Variants in TINAG observed in about 807,000 individuals in gnomAD.
TINAG encodes the protein tubulointerstitial nephritis antigen.
A neutral mutation model predicts 72.7 loss-of-function variants in TINAG; 83 were observed. The ratio of observed to expected loss-of-function variants is 1.14; its 90% CI spans 0.96 to 1.37. TINAG has a LOEUF of 1.37. Ranked by LOEUF, TINAG falls within the 40% of genes most tolerant of loss-of-function variation. The pLI, the probability that TINAG is intolerant of heterozygous loss-of-function variation, is 0.00. For missense variants in TINAG, 685 were observed against 576.6 expected (o/e 1.19, Z -1.93); for synonymous variants, 234 against 189.9 (o/e 1.23, Z -1.91).
intron 6 of TINAG, among the ~76,000 whole-genome samples, chr6:54,347,966 A>G (rs1026352790): frequency 2.0e-5 from 3 of 152,072 alleles, no homozygotes; most frequent in Non-Finnish European, 4.4e-5. Flanking sequence ...ACTCATCAGT[A>G]TTGTTCATTA....
intron 1 of TINAG, among the ~76,000 whole-genome samples, chr6:54,318,873 G>A (rs1784429720): frequency 6.6e-6 from 1 of 152,070 alleles, no homozygotes; most frequent in Admixed American, 6.6e-5. Flanking sequence ...TTGCTCAAGA[G>A]ATTAATTCTC....
chr6:54,347,240 T>C, intron 5 of TINAG, 127 bp from the exon 6 acceptor site: 1 of 860,730 alleles, frequency 1.2e-6, no homozygotes, highest in East Asian at 2.8e-5. Context: ...ATTAATGCTC[T>C]TTGGCTTTAA....
intron 5 of TINAG, 114 bp from the exon 6 acceptor site, chr6:54,347,253 A>G: frequency 1.0e-6 from 1 of 976,108 alleles, no homozygotes; most frequent in African/African-American, 1.7e-5. Context: ...GGCTTTAATT[A>G]TAAATTATAC....
At chr6:54,343,160 C>A (rs545731857) in intron 4 of TINAG, 66 bp from the exon 5 acceptor site, 22 of 1,328,034 alleles carry the variant, frequency 1.7e-5, no homozygotes, top group Admixed American at 2.7e-5. Flanking sequence ...TATAAAAGGG[C>A]GTGACATTTT....
intron 4 of TINAG, among the ~76,000 whole-genome samples, chr6:54,331,146 C>A (rs958348237): frequency 5.3e-5 from 8 of 152,104 alleles, no homozygotes; most frequent in African/African-American, 1.7e-4. Flanking sequence ...CTGGCAGAGA[C>A]ACGACAAAAA....
rs544234718 is a variant in TINAG at position 54,326,296 on chromosome 6, GATTA to G, written c.510-501_510-498del. Among the ~76,000 whole-genome samples the G allele has an allele frequency of 7.3e-4, 111 of 151,666 alleles. 1 individual carries two copies. Among genetic ancestry groups the G allele is most frequent in the South Asian group, 5.6e-3 (27 of 4,790 alleles). On this transcript the variant is annotated intron_variant, in intron 3 of 10. Transcript: ENST00000259782. The stretch of plus-strand genomic sequence containing the variant: ...TATATAATAGAATATTTCAATATCT[GATTA>G]ATTAGATTTTTAATTAATTTTTAAA...
intron 1 of TINAG, among the ~76,000 whole-genome samples, chr6:54,313,169 AT>A (rs1408557381): frequency 6.6e-6 from 1 of 152,280 alleles, no homozygotes; most frequent in Admixed American, 6.5e-5. Flanking sequence ...TTAAACATGT[AT>A]TTTTTTGAAC....
intron 4 of TINAG, among the ~76,000 whole-genome samples, chr6:54,340,193 C>A (rs997036495): frequency 1.3e-5 from 2 of 151,910 alleles, no homozygotes; most frequent in Admixed American, 6.6e-5. Context: ...CATTGAACAT[C>A]AAATTTGGCT....
intron 3 of TINAG, among the ~76,000 whole-genome samples, chr6:54,325,681 T>C (rs987990480): frequency 6.6e-6 from 1 of 152,206 alleles, no homozygotes; most frequent in South Asian, 2.1e-4. Context: ...TCTGACCTGA[T>C]GTTTGAAAAC....
chr6:54,351,060 G>A (rs1424401303), intron 7 of TINAG, among the ~76,000 whole-genome samples: 1 of 151,772 alleles, frequency 6.6e-6, no homozygotes, highest in Non-Finnish European at 1.5e-5. Context: ...AAAAATTAGA[G>A]GTACTAGTAA....
Position 54,308,765 on chromosome 6 carries a change from C to CT in TINAG, c.216dup (p.Glu73Ter). On this transcript the variant is annotated frameshift_variant, in exon 1 of 11. Coordinates refer to ENST00000259782, the MANE Select transcript of TINAG (RefSeq NM_014464.4). LOFTEE classifies it high-confidence loss of function. The stretch of plus-strand genomic sequence containing the variant: ...GAAGACAGAGATGATGGCTGTGTCA[C>CT]TGAGTTCTATGCGGCGAATGCGTTG... The CT allele has an allele frequency of 6.2e-7, 1 of 1,613,832 alleles. No homozygotes were observed.
At chr6:54,374,738 G>A (rs1469232417) in intron 9 of TINAG, among the ~76,000 whole-genome samples, 1 of 151,936 alleles carries the variant, frequency 6.6e-6, no homozygotes, top group African/African-American at 2.4e-5. Context: ...CCATCTAGTG[G>A]TTTCTTTATC....
intron 4 of TINAG, among the ~76,000 whole-genome samples, chr6:54,337,070 T>C (rs933513350): frequency 1.3e-5 from 2 of 151,882 alleles, no homozygotes; most frequent in Non-Finnish European, 1.5e-5. Context: ...AAATGGAAAA[T>C]TTTTTTAATC....
chr6:54,374,815 T>C (rs1054201162), intron 9 of TINAG, among the ~76,000 whole-genome samples: 2 of 152,134 alleles, frequency 1.3e-5, no homozygotes, highest in African/African-American at 2.4e-5. Flanking sequence ...GGTTATATGA[T>C]ATATTTGCTC....
chr6:54,310,820 TTCTTTC>T (rs1784234581), intron 1 of TINAG, among the ~76,000 whole-genome samples: 1 of 145,854 alleles, frequency 6.9e-6, no homozygotes, highest in South Asian at 2.1e-4. Flanking sequence ...CTCTCCCTCT[TTCTTTC>T]TCTTTCTTTT....
Position 54,308,493 on chromosome 6 carries a change from A to G in TINAG, c.-58A>G. ...GAATTCAGGTTCCAAGGAGAAGCCC[A>G]CAAGGCTAAGGGTATTGGATATAAC... On this transcript the variant is annotated 5_prime_UTR_variant, in exon 1 of 11. Transcript: ENST00000259782. 1 of 1,454,190 alleles carries G rather than the reference A, an allele frequency of 6.9e-7. No individual in the cohort carries two copies. Among genetic ancestry groups the G allele is most frequent in the Non-Finnish European group, 9.3e-7 (1 of 1,075,382 alleles). The allele number at this position is 1,454,190 out of a possible 1,614,324, so 90.1% of individuals were successfully genotyped here. A position where few individuals can be genotyped will look rare whatever the true frequency, so the allele number is the denominator to read the frequency against.
intron 9 of TINAG, among the ~76,000 whole-genome samples, chr6:54,368,769 T>C (rs371121531): frequency 4.7e-4 from 72 of 151,806 alleles, no homozygotes; most frequent in East Asian, 4.3e-3. Flanking sequence ...TCAGAACAAC[T>C]TAAATTGAAT....
chr6:54,389,848 C>T lies in TINAG; in HGVS notation c.1354C>T (p.Arg452Ter), dbSNP rs771109925. ...WGENGYFRILRGVNESDIEKL... is the reference protein window; with the variant it reads ...WGENGYFRIL ...AGAGAATGGCTATTTCAGGATTCTTCGAGGAGTAAATGAGTCCGACATTGA... is the reference window on the plus strand; with the variant it reads ...AGAGAATGGCTATTTCAGGATTCTTTGAGGAGTAAATGAGTCCGACATTGA... The change falls in exon 11 of 11, where the codon CGA becomes TGA. Residue 452 changes from arginine to a stop codon, truncating the protein, a stop_gained. Transcript: ENST00000259782. LOFTEE classifies it high-confidence loss of function. The T allele has an allele frequency of 2.2e-5, 36 of 1,608,674 alleles. No homozygotes were observed. The highest frequency in any genetic ancestry group is 1.4e-4 in the Admixed American group (8 of 58,940).
At chr6:54,321,169 A>T in intron 2 of TINAG, 128 bp from the exon 3 acceptor site, 1 of 748,684 alleles carries the variant, frequency 1.3e-6, no homozygotes, top group Middle Eastern at 2.4e-4. Flanking sequence ...GCCAAGAATC[A>T]AATAACCATA....
Sources: gnomAD v4.1 joint callset for allele counts (sites outside exome capture counted in the v4.1 genomes callset) on GRCh38, gnomAD v4.1.1 for gene constraint, MANE v1.5 for transcripts, NCBI Gene and HGNC (gene_info 2026-07-23, HGNC 2026-07-21) for gene names.